CACNA2D1: variants seen among roughly 807,000 people sequenced by gnomAD.
The protein encoded by CACNA2D1 is voltage-dependent calcium channel subunit alpha-2/delta-1.
Under a neutral mutation model 171.5 loss-of-function variants are expected in CACNA2D1, and 53 were observed. The observed-to-expected ratio is 0.31, with a 90% CI of 0.25 to 0.39. The LOEUF (loss-of-function observed/expected upper bound fraction) is 0.39, where lower values mean the gene tolerates loss of function less well. CACNA2D1 is among the 10% of genes least tolerant of loss of function. The pLI, the probability that CACNA2D1 is intolerant of heterozygous loss-of-function variation, is 1.00. For synonymous variants in CACNA2D1, 442 were observed against 443.1 expected, an observed-to-expected ratio of 1.00 and a Z score of 0.03; for missense variants, 903 against 1,299.8, an observed-to-expected ratio of 0.69 and a Z score of 4.69.
chr7:82,046,469 C>T (rs1428857430), intron 10 of CACNA2D1, among the ~76,000 whole-genome samples: 1 of 152,136 alleles, frequency 6.6e-6, no homozygotes, highest in Non-Finnish European at 1.5e-5. Context: ...AATGAATTAT[C>T]TCTTCTTTAA....
At chr7:82,080,411 G>T (rs1016841382) in intron 7 of CACNA2D1, among the ~76,000 whole-genome samples, 1 of 152,040 alleles carries the variant, frequency 6.6e-6, no homozygotes, top group Non-Finnish European at 1.5e-5. Flanking sequence ...GGACGAATAG[G>T]CTTTGCTTGA....
intron 6 of CACNA2D1, among the ~76,000 whole-genome samples, chr7:82,099,601 C>T (rs371345100): frequency 2.7e-5 from 3 of 110,292 alleles, no homozygotes; most frequent in Middle Eastern, 4.3e-3. Context: ...AGGCGCCCGC[C>T]ACTACGCCCG....
intron 3 of CACNA2D1, among the ~76,000 whole-genome samples, chr7:82,291,479 ATATAT>A (rs1038396993): frequency 1.2e-4 from 16 of 133,810 alleles, no homozygotes; most frequent in Admixed American, 3.4e-4. Context: ...ATATATAAAA[ATATAT>A]TATATATATT....
intron 6 of CACNA2D1, among the ~76,000 whole-genome samples, chr7:82,108,723 G>A (rs150253758): frequency 2.8e-4 from 42 of 152,242 alleles, no homozygotes; most frequent in East Asian, 2.5e-3. Context: ...GAATATGCAT[G>A]TATTACATAA....
At chr7:82,242,743 T>C (rs1222115174) in intron 3 of CACNA2D1, among the ~76,000 whole-genome samples, 2 of 152,200 alleles carry the variant, frequency 1.3e-5, no homozygotes, top group Non-Finnish European at 2.9e-5. Flanking sequence ...TTGATTTTTT[T>C]CTTGATTTGT....
chr7:82,186,290 A>AAG (rs1797772703), intron 3 of CACNA2D1, among the ~76,000 whole-genome samples: 2 of 112,446 alleles, frequency 1.8e-5, no homozygotes, highest in South Asian at 3.0e-4. Flanking sequence ...AAGGAAGGAA[A>AAG]GAAAGGTGGG....
At chr7:82,211,657 C>T (rs1800567812) in intron 3 of CACNA2D1, among the ~76,000 whole-genome samples, 1 of 152,274 alleles carries the variant, frequency 6.6e-6, no homozygotes, top group Middle Eastern at 3.4e-3. Flanking sequence ...GTGAATAGCA[C>T]CACAATAAAC....
At chr7:82,207,867 C>CAT (rs1232637595) in intron 3 of CACNA2D1, among the ~76,000 whole-genome samples, 1 of 152,130 alleles carries the variant, frequency 6.6e-6, no homozygotes, top group African/African-American at 2.4e-5. Flanking sequence ...TTTCTAAACA[C>CAT]ATATATATTG....
chr7:82,290,975 C>CTT (rs3054678), intron 3 of CACNA2D1, among the ~76,000 whole-genome samples: 14,266 of 138,784 alleles, frequency 0.1, 1,677 homozygotes, highest in African/African-American at 0.28. Context: ...ACTTTCTTTT[C>CTT]TTTTTTTTTT....
intron 3 of CACNA2D1, among the ~76,000 whole-genome samples, chr7:82,281,241 C>T (rs1335481659): frequency 6.6e-6 from 1 of 152,196 alleles, no homozygotes; most frequent in East Asian, 1.9e-4. Context: ...GATAAGACTG[C>T]TCTTGAACCA....
chr7:82,216,922 T>C (rs574291083), intron 3 of CACNA2D1, among the ~76,000 whole-genome samples: 1 of 149,860 alleles, frequency 6.7e-6, no homozygotes, highest in South Asian at 2.1e-4. Context: ...AGCTGGTTAA[T>C]CCTCCAATAA....
intron 4 of CACNA2D1, among the ~76,000 whole-genome samples, chr7:82,149,982 GTGTGTGTGTGCA>G (rs781194763): frequency 6.6e-6 from 1 of 151,424 alleles, no homozygotes; most frequent in Non-Finnish European, 1.5e-5. Context: ...ACATGTGCGT[GTGTGTGTGTGCA>G]TGTGTGTGTG....
At chr7:82,401,487 A>G (rs570319498) in intron 1 of CACNA2D1, among the ~76,000 whole-genome samples, 1 of 148,126 alleles carries the variant, frequency 6.8e-6, no homozygotes, top group East Asian at 2.1e-4. Context: ...ATTCTCACTC[A>G]TAGGTGGGAA....
chr7:82,280,668 T>C (rs187413278), intron 3 of CACNA2D1, among the ~76,000 whole-genome samples: 1 of 152,282 alleles, frequency 6.6e-6, no homozygotes, highest in East Asian at 1.9e-4. Context: ...AAACCTTACT[T>C]ATTAATTATT....
At chr7:81,966,702 GTAACTA>G (rs766613300) in intron 31 of CACNA2D1, among the ~76,000 whole-genome samples, 45 of 151,312 alleles carry the variant, frequency 3.0e-4, no homozygotes, top group Admixed American at 7.9e-4. Flanking sequence ...CTCAATCCAT[GTAACTA>G]TAACTTTATA....
chr7:82,411,216 G>T (rs900549297), intron 1 of CACNA2D1, among the ~76,000 whole-genome samples: 3 of 152,132 alleles, frequency 2.0e-5, no homozygotes, highest in Non-Finnish European at 4.4e-5. Flanking sequence ...TCTGGTGCCT[G>T]AGCAGCTCTG....
At chr7:82,073,468 T>C (rs1040879431) in intron 7 of CACNA2D1, among the ~76,000 whole-genome samples, 13 of 152,204 alleles carry the variant, frequency 8.5e-5, no homozygotes, top group African/African-American at 3.1e-4. Flanking sequence ...AAATGGCATA[T>C]GCAAAATAAA....
intron 1 of CACNA2D1, among the ~76,000 whole-genome samples, chr7:82,420,005 A>G (rs9692174): frequency 0.045 from 6,821 of 152,170 alleles, 502 homozygotes; most frequent in African/African-American, 0.15. Flanking sequence ...TACATTGCAC[A>G]GGACAGCGCC....
chr7:82,007,073 T>C (rs1240092810), intron 16 of CACNA2D1, among the ~76,000 whole-genome samples: 1 of 151,956 alleles, frequency 6.6e-6, no homozygotes, highest in Non-Finnish European at 1.5e-5. Context: ...AAATAATAAG[T>C]ACAAGATAAA....
Sources: gnomAD v4.1 joint callset for allele counts (sites outside exome capture counted in the v4.1 genomes callset) on GRCh38, gnomAD v4.1.1 for gene constraint, MANE v1.5 for transcripts, NCBI Gene and HGNC (gene_info 2026-07-23, HGNC 2026-07-21) for gene names.